MAST4: variants seen among roughly 807,000 people sequenced by gnomAD.
MAST4 encodes the protein microtubule associated serine/threonine kinase family member 4.
A neutral mutation model predicts 162.7 loss-of-function variants in MAST4; 89 were observed. That is an observed-to-expected ratio of 0.55 (90% confidence interval 0.46 to 0.65). The LOEUF is 0.65. MAST4 is among the 30% of genes least tolerant of loss of function. MAST4 has a pLI of 0.00. For synonymous variants in MAST4, 1,479 were observed against 1,361.1 expected, an observed-to-expected ratio of 1.09 and a Z score of -1.91; for missense variants, 3,153 against 3,374.0, an observed-to-expected ratio of 0.93 and a Z score of 1.62.
chr5:66,926,161 C>A (rs1192328030), intron 4 of MAST4, among the ~76,000 whole-genome samples: 1 of 152,070 alleles, frequency 6.6e-6, no homozygotes, highest in African/African-American at 2.4e-5. Flanking sequence ...AAATTATTTC[C>A]AATTAGTCTG....
At chr5:66,984,638 G>A (rs1440570136) in intron 4 of MAST4, among the ~76,000 whole-genome samples, 2 of 152,050 alleles carry the variant, frequency 1.3e-5, no homozygotes, top group South Asian at 4.1e-4. Flanking sequence ...AACTTAGAAT[G>A]AGAGAGAATG....
chr5:66,602,015 A>G (rs932335127), intron 1 of MAST4, among the ~76,000 whole-genome samples: 1 of 152,138 alleles, frequency 6.6e-6, no homozygotes, highest in South Asian at 2.1e-4. Context: ...AAATACATAC[A>G]TATGAATACA....
chr5:67,068,117 C>T (rs1760464436), intron 5 of MAST4, among the ~76,000 whole-genome samples: 2 of 152,148 alleles, frequency 1.3e-5, no homozygotes, highest in South Asian at 4.1e-4. Context: ...CTAGAAGAAT[C>T]AGGAAAGACC....
At chr5:66,597,124 TAGGG>T (rs1742233596) in intron 1 of MAST4, 106 bp downstream of exon 1, 1 of 1,239,842 alleles carries the variant, frequency 8.1e-7, no homozygotes, top group East Asian at 3.2e-5. Flanking sequence ...GGCCTGGAGA[TAGGG>T]AGGGACCCCA....
intron 3 of MAST4, among the ~76,000 whole-genome samples, chr5:66,812,804 G>A (rs1380422124): frequency 6.6e-6 from 1 of 152,174 alleles, no homozygotes; most frequent in Admixed American, 6.5e-5. Flanking sequence ...TTGACAATGT[G>A]TTGTTACCTG....
intron 4 of MAST4, among the ~76,000 whole-genome samples, chr5:66,919,271 C>CAA (rs1764322268): frequency 6.6e-6 from 1 of 151,532 alleles, no homozygotes; most frequent in African/African-American, 2.4e-5. Context: ...GCATTAAGAC[C>CAA]AAAAAAGGAT....
At chr5:66,608,355 C>G (rs955812202) in intron 1 of MAST4, among the ~76,000 whole-genome samples, 2 of 44,392 alleles carry the variant, frequency 4.5e-5, no homozygotes, top group East Asian at 1.6e-3. Context: ...TGTGCCTGGC[C>G]TTTTTTTTTT....
At chr5:66,819,964 ATTT>A (rs35712503) in intron 3 of MAST4, among the ~76,000 whole-genome samples, 2 of 132,136 alleles carry the variant, frequency 1.5e-5, no homozygotes, top group Admixed American at 7.5e-5. Flanking sequence ...TTTTCTTTTA[ATTT>A]TTTTTTTTTT....
intron 1 of MAST4, among the ~76,000 whole-genome samples, chr5:66,705,440 A>C (rs1750070346): frequency 6.6e-6 from 1 of 152,220 alleles, no homozygotes; most frequent in Non-Finnish European, 1.5e-5. Context: ...TAAATGATAA[A>C]AGGAAATCTG....
At chr5:67,045,599 C>T (rs974858927) in intron 4 of MAST4, among the ~76,000 whole-genome samples, 13 of 152,238 alleles carry the variant, frequency 8.5e-5, no homozygotes, top group Non-Finnish European at 1.6e-4. Context: ...TTTTACTGTA[C>T]CTCTATGTTT....
intron 1 of MAST4, among the ~76,000 whole-genome samples, chr5:66,670,287 G>C (rs781087987): frequency 1.3e-5 from 2 of 151,982 alleles, no homozygotes; most frequent in Admixed American, 6.5e-5. Context: ...TTCTCCGGTG[G>C]TACAAATAAC....
chr5:67,041,665 G>A (rs367663798), intron 4 of MAST4, among the ~76,000 whole-genome samples: 1 of 152,180 alleles, frequency 6.6e-6, no homozygotes, highest in African/African-American at 2.4e-5. Context: ...GTCTTGCTCT[G>A]TTGCCCAAAC....
chr5:66,641,673 G>C (rs192488640), intron 1 of MAST4, among the ~76,000 whole-genome samples: 14 of 152,238 alleles, frequency 9.2e-5, no homozygotes, highest in African/African-American at 1.2e-4. Context: ...TGTCAAACCA[G>C]AAAACAAGGA....
At chr5:66,849,793 C>T (rs1055553329) in intron 3 of MAST4, among the ~76,000 whole-genome samples, 1 of 152,098 alleles carries the variant, frequency 6.6e-6, no homozygotes, top group African/African-American at 2.4e-5. Flanking sequence ...TTTTAATTCT[C>T]TTTGTGTTTT....
chr5:67,012,583 C>G (rs562438462), intron 4 of MAST4, among the ~76,000 whole-genome samples: 1 of 152,080 alleles, frequency 6.6e-6, no homozygotes, highest in African/African-American at 2.4e-5. Context: ...AAAGTAGATA[C>G]AAAGTGTGCA....
intron 3 of MAST4, among the ~76,000 whole-genome samples, chr5:66,808,514 G>T (rs1043947870): frequency 6.6e-6 from 1 of 152,138 alleles, no homozygotes; most frequent in African/African-American, 2.4e-5. Flanking sequence ...TTTAAAAGTA[G>T]TATTGTGTGC....
chr5:67,035,882 A>G (rs981988443), intron 4 of MAST4, among the ~76,000 whole-genome samples: 1 of 152,078 alleles, frequency 6.6e-6, no homozygotes, highest in Non-Finnish European at 1.5e-5. Context: ...AACACCTAAT[A>G]CAATGTAAAT....
intron 3 of MAST4, among the ~76,000 whole-genome samples, chr5:66,854,127 T>C (rs955471280): frequency 1.3e-5 from 2 of 152,206 alleles, no homozygotes; most frequent in Admixed American, 1.3e-4. Flanking sequence ...AGTAGCAGGA[T>C]TGCAGGTGTA....
At chr5:66,832,549 T>G (rs1372271597) in intron 3 of MAST4, among the ~76,000 whole-genome samples, 1 of 152,144 alleles carries the variant, frequency 6.6e-6, no homozygotes, top group Non-Finnish European at 1.5e-5. Context: ...GGAAGCAAAA[T>G]AGCAGATAGA....
Sources: allele counts gnomAD v4.1 joint callset (sites outside exome capture counted in the v4.1 genomes callset), GRCh38; gene constraint gnomAD v4.1.1; transcripts MANE v1.5; gene names NCBI Gene and HGNC (gene_info 2026-07-23, HGNC 2026-07-21).